The following C1orf94 variants were observed in gnomAD, a reference collection of about 807,000 sequenced individuals.
The protein encoded by C1orf94 is chromosome 1 open reading frame 94, also known as uncharacterized protein C1orf94.
Under a neutral mutation model 53.6 loss-of-function variants are expected in C1orf94, and 45 were observed. The observed-to-expected ratio is 0.84, with a 90% CI of 0.66 to 1.08. The LOEUF (loss-of-function observed/expected upper bound fraction) is 1.08, where lower values mean the gene tolerates loss of function less well. C1orf94 is among the 50% of genes least tolerant of loss of function. C1orf94 has a pLI of 0.00. For missense variants in C1orf94, 762 were observed against 738.9 expected, an observed-to-expected ratio of 1.03 and a Z score of -0.36; for synonymous variants, 304 against 296.1, an observed-to-expected ratio of 1.03 and a Z score of -0.27.
intron 2 of C1orf94, 144 bp from the exon 3 acceptor site, chr1:34,200,628 T>C (rs553685159): frequency 1.8e-6 from 2 of 1,105,516 alleles, no homozygotes; most frequent in East Asian, 2.4e-5. Flanking sequence ...TGGGATTGTA[T>C]TTGGCTGAAA....
At chr1:34,176,447 C>T (rs1023378826), upstream of C1orf94, among the ~76,000 whole-genome samples, 18 of 152,004 alleles carry the variant, frequency 1.2e-4, no homozygotes, top group Admixed American at 3.3e-4. Flanking sequence ...GCTAACTTAG[C>T]CCTTCTCCCT....
At chr1:34,204,711 G>A (rs74063797) in intron 4 of C1orf94, among the ~76,000 whole-genome samples, 1 of 152,142 alleles carries the variant, frequency 6.6e-6, no homozygotes, top group African/African-American at 2.4e-5. Flanking sequence ...TAGAGGCTGA[G>A]CATTGTTCTA....
rs117349974 is a variant in C1orf94, at chr1:34,218,366, T to G, written c.1722-320T>G. 5.4e-4 allele frequency among the ~76,000 whole-genome samples: 82 copies of G among 152,234 alleles called. No individual in the cohort carries two copies. The East Asian group carries it at 8.1e-3, about 15-fold the overall frequency. On this transcript the variant is annotated intron_variant, in intron 6 of 6. Coordinates refer to ENST00000488417, the MANE Select transcript of C1orf94 (RefSeq NM_001134734.2). ...GTCACAGGAATACAGGTAAGATGCT[T>G]AGGTCCAGAGAGGGTCCCTGTTCTA...
At chr1:34,187,599 AC>A (rs779531477) in intron 1 of C1orf94, among the ~76,000 whole-genome samples, 9 of 151,882 alleles carry the variant, frequency 5.9e-5, no homozygotes, top group Non-Finnish European at 1.0e-4. Flanking sequence ...AAAAAAAAAA[AC>A]ACCTCTTCCT....
chr1:34,214,076 A>G (rs150749227), intron 6 of C1orf94, among the ~76,000 whole-genome samples: 67 of 152,334 alleles, frequency 4.4e-4, no homozygotes, highest in African/African-American at 1.6e-3. Flanking sequence ...GAGAACTGAG[A>G]GCAGATGAAA....
intron 1 of C1orf94, among the ~76,000 whole-genome samples, chr1:34,169,754 A>G (rs1162930483): frequency 6.6e-6 from 1 of 152,222 alleles, no homozygotes; most frequent in African/African-American, 2.4e-5. Flanking sequence ...AGGATCCCAA[A>G]TGGGGCACAA....
At chr1:34,207,562 C>A (rs1287130285) in intron 4 of C1orf94, among the ~76,000 whole-genome samples, 1 of 152,142 alleles carries the variant, frequency 6.6e-6, no homozygotes, top group East Asian at 1.9e-4. Flanking sequence ...AGATACACAG[C>A]AACACTAACA....
intron 4 of C1orf94, among the ~76,000 whole-genome samples, chr1:34,204,870 A>G (rs1642767631): frequency 6.6e-6 from 1 of 152,076 alleles, no homozygotes; most frequent in African/African-American, 2.4e-5. Context: ...TCTCTAAAAA[A>G]AAAAAATGAT....
At chr1:34,178,185 G>A in intron 1 of C1orf94, 76 bp downstream of exon 1, 1 of 1,441,670 alleles carries the variant, frequency 6.9e-7, no homozygotes. Flanking sequence ...GGAATGTTCT[G>A]GCCCACTGTT....
At chr1:34,203,868 C>G (rs1016929873) in intron 4 of C1orf94, among the ~76,000 whole-genome samples, 1 of 152,208 alleles carries the variant, frequency 6.6e-6, no homozygotes, top group Non-Finnish European at 1.5e-5. Flanking sequence ...CTGGTTTAAG[C>G]CTTAGCCCAA....
rs190181617 is a variant in C1orf94 at position 34,192,248 on chromosome 1, C to T, written c.321-4977C>T. Among the ~76,000 whole-genome samples, 296 of 152,326 alleles carry T rather than the reference C, an allele frequency of 1.9e-3. 1 individual carries two copies. Among genetic ancestry groups the T allele is most frequent in the Middle Eastern group, 3.4e-3 (1 of 294 alleles). ...CAAAGTGGTCGGGTGCCCACAAAAT[C>T]TTTCTGTGAGCCCCAAGGTGATTAC... On this transcript the variant is annotated intron_variant, in intron 1 of 6. Transcript: ENST00000488417.
chr1:34,183,568 A>G lies in C1orf94; in HGVS notation c.320+5459A>G, dbSNP rs190516968. ...CATCTGACAACAATGACATTCAACA[A>G]ATATTGCCAGGTGCGGTGGCTTATG... On this transcript the variant is annotated intron_variant, in intron 1 of 6. Coordinates refer to ENST00000488417, the MANE Select transcript of C1orf94 (RefSeq NM_001134734.2). Among the ~76,000 whole-genome samples, 18 of 152,184 alleles carry G rather than the reference A, an allele frequency of 1.2e-4. No homozygotes were observed. In the East Asian group the frequency reaches 2.3e-3, roughly 20 times the overall value.
intron 1 of C1orf94, among the ~76,000 whole-genome samples, chr1:34,193,080 T>C (rs778498200): frequency 5.9e-5 from 9 of 152,140 alleles, no homozygotes; most frequent in Non-Finnish European, 8.8e-5. Context: ...TCTTGTTTTC[T>C]TGAAGTGGAG....
chr1:34,216,404 T>C (rs1247654137), intron 6 of C1orf94, among the ~76,000 whole-genome samples: 1 of 151,316 alleles, frequency 6.6e-6, no homozygotes, highest in Non-Finnish European at 1.5e-5. Context: ...TCTAGTGAGG[T>C]GGGGAAAAAA....
At chr1:34,201,180 A>G (rs1374171652) in intron 3 of C1orf94, 148 bp downstream of exon 3, 11 of 1,191,786 alleles carry the variant, frequency 9.2e-6, no homozygotes, top group African/African-American at 1.5e-5. Flanking sequence ...GGGGGCAATG[A>G]CTTTCTCCCC....
chr1:34,207,894 G>T (rs1378020847), intron 4 of C1orf94, among the ~76,000 whole-genome samples: 1 of 152,186 alleles, frequency 6.6e-6, no homozygotes, highest in African/African-American at 2.4e-5. Flanking sequence ...CACAGATCTG[G>T]GACTCGGGAG....
rs572073225 is a variant in C1orf94 at position 34,217,654 on chromosome 1, C to A, written c.1722-1032C>A. Among the ~76,000 whole-genome samples the A allele has an allele frequency of 6.6e-5, 10 of 152,288 alleles. No homozygotes were observed. The East Asian group carries it at 1.5e-3, about 24-fold the overall frequency. ...GTGAGACAACCCAGCCCAACTTGCC[C>A]ATGGAGACTCAGTGAGCAAGAGACA... On this transcript the variant is annotated intron_variant, in intron 6 of 6. Coordinates refer to ENST00000488417, the MANE Select transcript of C1orf94 (RefSeq NM_001134734.2).
At chr1:34,191,917 A>G (rs1571341089) in intron 1 of C1orf94, among the ~76,000 whole-genome samples, 1 of 152,276 alleles carries the variant, frequency 6.6e-6, no homozygotes, top group Middle Eastern at 3.4e-3. Flanking sequence ...GAAATAATGC[A>G]CAGCATCCGA....
intron 1 of C1orf94, among the ~76,000 whole-genome samples, chr1:34,196,951 G>T (rs1383362683): frequency 1.3e-5 from 2 of 152,308 alleles, no homozygotes; most frequent in African/African-American, 4.8e-5. Context: ...TTAAGGCTCA[G>T]TGAGGCTGTG....
Sources: allele counts gnomAD v4.1 joint callset (sites outside exome capture counted in the v4.1 genomes callset), GRCh38; gene constraint gnomAD v4.1.1; transcripts MANE v1.5; gene names NCBI Gene and HGNC (gene_info 2026-07-23, HGNC 2026-07-21).